ARRDC4: variants seen among roughly 807,000 people sequenced by gnomAD.
ARRDC4 encodes arrestin domain containing 4.
In ARRDC4, 40 loss-of-function variants were observed where a neutral mutation model predicts 44.6. The observed-to-expected ratio is 0.90, with a 90% CI of 0.70 to 1.17. The LOEUF (loss-of-function observed/expected upper bound fraction) is 1.17. Among genes scored for constraint, ARRDC4 ranks in the 50% most tolerant of loss-of-function variants. The pLI is 0.00. For synonymous variants in ARRDC4, 211 were observed against 221.2 expected (o/e 0.95, Z 0.41); for missense variants, 550 against 559.1 (o/e 0.98, Z 0.16).
intron 1 of ARRDC4, among the ~76,000 whole-genome samples, chr15:97,964,065 A>G (rs1899371688): frequency 6.6e-6 from 1 of 152,144 alleles, no homozygotes; most frequent in Non-Finnish European, 1.5e-5. Flanking sequence ...GAGTATTCAA[A>G]TTGACTTAAG....
rs746022047 is a variant in ARRDC4, at chr15:97,967,873, T to C, written c.523-141T>C. 4.1e-6 allele frequency: 2 copies of C among 483,996 alleles called. No individual in the cohort carries two copies. The highest frequency in any genetic ancestry group is 7.1e-6 in the Non-Finnish European group (2 of 281,572). The allele number at this position is 483,996 out of a possible 1,614,324, so 30.0% of individuals were successfully genotyped here. A position where few individuals can be genotyped will look rare whatever the true frequency, so the allele number is the denominator to read the frequency against. ...GTTTTTGTGCATATTTGGCCTAATA[T>C]GTTACATGAGGATAAGAAAGTTTGA... is the stretch of plus-strand genomic sequence containing the variant. On this transcript the variant is annotated intron_variant, in intron 3 of 7. Transcript: ENST00000268042. The surrounding 1 kb of genome is among the most constrained non-coding windows in gnomAD (Gnocchi z 5.0).
chr15:97,969,370 T>C lies in ARRDC4; in HGVS notation c.873T>C (p.Tyr291=). 1 of 1,608,282 alleles carries C rather than the reference T, an allele frequency of 6.2e-7. No homozygotes were observed. The change falls in exon 5 of 8, where the codon TAT becomes TAC. Residue 291 remains tyrosine, a synonymous_variant. Coordinates refer to ENST00000268042, the MANE Select transcript of ARRDC4 (RefSeq NM_183376.3). ...ATTGCTGCATTATCAGAGTGGACTA[T>C]TCCTTAGCTGTAAGCAAAGCTCTTT... is the stretch of plus-strand genomic sequence containing the variant. ...ILDCCIIRVD[Y]SLAVYIHIPG... is the part of the protein sequence containing the mutation.
intron 1 of ARRDC4, among the ~76,000 whole-genome samples, 198 bp downstream of exon 1, chr15:97,961,366 G>C (rs1470889586): frequency 6.6e-6 from 1 of 152,182 alleles, no homozygotes; most frequent in Non-Finnish European, 1.5e-5. Flanking sequence ...CCCCGCCCCT[G>C]GCCCGCCGGG....
At position 97,961,169 on chromosome 15, in the gene ARRDC4, G is replaced by A. The variant is rs1449189111; in HGVS notation, c.307+1G>A. ...CTCAGCCTGCGGGAGCCCCCGGCCG[G>A]TAAGCGCAGGCGAGCGCCTGGGGTT... On this transcript the variant is annotated splice_donor_variant, in intron 1 of 7. Transcript: ENST00000268042. LOFTEE classifies it high-confidence loss of function. The A allele has an allele frequency of 8.4e-6, 12 of 1,424,924 alleles. 1 individual carries two copies. Among genetic ancestry groups the A allele is most frequent in the Admixed American group, 3.3e-5 (1 of 30,496 alleles). 88.3% of individuals were successfully genotyped at this position (1,424,924 alleles called of 1,614,324 possible).
rs1899529563 is a variant in ARRDC4 at position 97,972,265 on chromosome 15, C to G, written c.*1078C>G. The stretch of plus-strand genomic sequence containing the variant: ...ACCTAAGAGAATGTCAAAATAAACA[C>G]CAAACCAAAAGAAGGTAGGAGTGCC... On this transcript the variant is annotated 3_prime_UTR_variant, in exon 8 of 8. Transcript: ENST00000268042. The surrounding 1 kb of genome is among the most constrained non-coding windows in gnomAD (Gnocchi z 5.3). The G allele has an allele frequency of 6.6e-6, 1 of 152,528 alleles. No homozygotes were observed. Among genetic ancestry groups the G allele is most frequent in the Non-Finnish European group, 1.5e-5 (1 of 68,012 alleles). The allele number at this position is 152,528 out of a possible 1,614,324, so 9.4% of individuals were successfully genotyped here.
rs1202515242 is a variant in ARRDC4 at position 97,960,874 on chromosome 15, G to A, written c.13G>A (p.Ala5Thr). ...GTCGCCCGGCGGGATGGGCGGGGAG[G>A]CTGGGTGCGCGGCGGCCGTGGGTGC... MGGE[A>T]GCAAAVGAEG... Residue 5 changes from alanine (A) to threonine (T), a missense_variant, in exon 1 of 8, where the codon GCT (alanine) becomes ACT (threonine). Coordinates refer to ENST00000268042, the MANE Select transcript of ARRDC4 (RefSeq NM_183376.3). The A allele has an allele frequency of 7.2e-7, 1 of 1,383,876 alleles. No homozygotes were observed. 85.7% of individuals were successfully genotyped at this position (1,383,876 alleles called of 1,614,324 possible).
chr15:97,971,897 CGTTTTGT>C lies in ARRDC4; in HGVS notation c.*711_*717del, dbSNP rs1899521858. 1 of 152,270 alleles carries C rather than the reference CGTTTTGT, an allele frequency of 6.6e-6. No individual in the cohort carries two copies. The highest frequency in any genetic ancestry group is 1.5e-5 in the Non-Finnish European group (1 of 68,022). The allele number at this position is 152,270 out of a possible 1,614,324, so 9.4% of individuals were successfully genotyped here. ...AAAGATGAATTTCAATGTGAAAACA[CGTTTTGT>C]TGAGGGCTGTACTTTTTACCCCCTT... On this transcript the variant is annotated 3_prime_UTR_variant, in exon 8 of 8. Transcript: ENST00000268042.
rs76154279 is a variant in ARRDC4 at position 97,969,422 on chromosome 15, A to G, written c.882+43A>G. On this transcript the variant is annotated intron_variant, in intron 5 of 7. Coordinates refer to ENST00000268042, the MANE Select transcript of ARRDC4 (RefSeq NM_183376.3). ...TTAAAAAAAAATGTGTATGATGGAC[A>G]ATAACTGATGTCATGTTACTGTGGG... 3,220 of 1,599,500 alleles carry G rather than the reference A, an allele frequency of 2.0e-3. 40 individuals carry two copies. The African/African-American group carries it at 0.036, about 18-fold the overall frequency.
chr15:97,971,013 T>C, intron 7 of ARRDC4, 118 bp from the exon 8 acceptor site: 1 of 1,175,830 alleles, frequency 8.5e-7, no homozygotes, highest in South Asian at 1.4e-5. Flanking sequence ...AAGCACCTTC[T>C]GGGACTTACA....
chr15:97,961,134 G>A lies in ARRDC4; in HGVS notation c.273G>A (p.Leu91=). 1 of 1,455,944 alleles carries A rather than the reference G, an allele frequency of 6.9e-7. No individual in the cohort carries two copies. The highest frequency in any genetic ancestry group is 9.0e-7 in the Non-Finnish European group (1 of 1,113,124). 90.2% of individuals were successfully genotyped at this position (1,455,944 alleles called of 1,614,324 possible). A position where few individuals can be genotyped will look rare whatever the true frequency, so the allele number is the denominator to read the frequency against. The change falls in exon 1 of 8, where the codon CTG becomes CTA. Residue 91 remains leucine (L), a synonymous_variant. Coordinates refer to ENST00000268042, the MANE Select transcript of ARRDC4 (RefSeq NM_183376.3). ...ALAVFSEVEY[L]NVRLSLREPP... ...CTGTCTTCTCGGAGGTGGAGTACCTGAACGTGCGCCTCAGCCTGCGGGAGC... is the reference window on the plus strand; with the variant it reads ...CTGTCTTCTCGGAGGTGGAGTACCTAAACGTGCGCCTCAGCCTGCGGGAGC...
Position 97,971,148 on chromosome 15 carries a change from C to T in ARRDC4, c.1218C>T (p.Ser406=), listed in dbSNP as rs372410629. 4.9e-5 allele frequency: 79 copies of T among 1,613,214 alleles called. No individual in the cohort carries two copies. Among genetic ancestry groups the T allele is most frequent in the Non-Finnish European group, 6.4e-5 (76 of 1,179,406 alleles). The part of the protein sequence containing the change: ...PLYSEVDPHP[S]DVEESQPVSF... ...TTTTGCAGGTTGACCCACATCCTAG[C>T]GACGTAGAAGAGAGCCAGCCTGTTT... Residue 406 remains serine, a synonymous_variant, in exon 8 of 8, where the codon AGC becomes AGT. Coordinates refer to ENST00000268042, the MANE Select transcript of ARRDC4 (RefSeq NM_183376.3).
Position 97,965,614 on chromosome 15 carries a change from T to C in ARRDC4, c.322T>C (p.Leu108=). Residue 108 remains leucine (L), a synonymous_variant, in exon 2 of 8, where the codon TTA becomes CTA. Coordinates refer to ENST00000268042, the MANE Select transcript of ARRDC4 (RefSeq NM_183376.3). This position sits in a 1 kb window ranked among gnomAD's most constrained non-coding sequence, Gnocchi z 5.1. The part of the protein sequence containing the change: ...REPPAGEGII[L]LQPGKHEFPF... The stretch of plus-strand genomic sequence containing the variant: ...ATCTCTTATAGGTGAAGGCATCATT[T>C]TATTACAGCCTGGAAAACATGAATT... 1 of 1,612,194 alleles carries C rather than the reference T, an allele frequency of 6.2e-7. No individual in the cohort carries two copies. Among genetic ancestry groups the C allele is most frequent in the Non-Finnish European group, 8.5e-7 (1 of 1,178,276 alleles).
rs1455840299 is a variant in ARRDC4, at chr15:97,967,893, G to A, written c.523-121G>A. 1 of 581,376 alleles carries A rather than the reference G, an allele frequency of 1.7e-6. No homozygotes were observed. The highest frequency in any genetic ancestry group is 1.9e-5 in the African/African-American group (1 of 51,720). 36.0% of individuals were successfully genotyped at this position (581,376 alleles called of 1,614,324 possible). On this transcript the variant is annotated intron_variant, in intron 3 of 7. Transcript: ENST00000268042. The surrounding 1 kb of genome is among the most constrained non-coding windows in gnomAD (Gnocchi z 5.0). The stretch of plus-strand genomic sequence containing the variant: ...TAATATGTTACATGAGGATAAGAAA[G>A]TTTGATTCATTTTTTTGGTATTTCC...
rs769136091 is a variant in ARRDC4, at chr15:97,969,149, A to T, written c.652A>T (p.Ile218Leu). The T allele has an allele frequency of 6.2e-7, 1 of 1,613,882 alleles. No homozygotes were observed. The highest frequency in any genetic ancestry group is 8.5e-7 in the Non-Finnish European group (1 of 1,179,802). The part of the protein sequence containing the change: ...NGEAIPIYAE[I>L]ENCSSRLIVP... ...AGAAGCTATTCCAATCTATGCAGAA[A>T]TAGAAAATTGTTCCTCTCGTCTGAT... The change falls in exon 5 of 8, where the codon ATA becomes TTA. Residue 218 changes from isoleucine to leucine, a missense_variant. Coordinates refer to ENST00000268042, the MANE Select transcript of ARRDC4 (RefSeq NM_183376.3).
chr15:97,965,728 C>T lies in ARRDC4; in HGVS notation c.374+62C>T. 1.3e-6 allele frequency: 2 copies of T among 1,515,594 alleles called. No homozygotes were observed. The highest frequency in any genetic ancestry group is 1.8e-6 in the Non-Finnish European group (2 of 1,090,602). The allele number at this position is 1,515,594 out of a possible 1,614,324, so 93.9% of individuals were successfully genotyped here. On this transcript the variant is annotated intron_variant, in intron 2 of 7. Transcript: ENST00000268042. The surrounding 1 kb of genome is among the most constrained non-coding windows in gnomAD (Gnocchi z 5.1). ...CTGCAGTATGTCCATTCAAGTTTAT[C>T]ACTGCTAGGTCTCTTCTGATTCTCA...
Position 97,972,996 on chromosome 15 carries a change from G to T in ARRDC4, c.*1809G>T, listed in dbSNP as rs536857222. 6.6e-6 allele frequency: 1 copy of T among 152,416 alleles called. No individual in the cohort carries two copies. The highest frequency in any genetic ancestry group is 2.4e-5 in the African/African-American group (1 of 41,428). 9.4% of individuals were successfully genotyped at this position (152,416 alleles called of 1,614,324 possible). A position where few individuals can be genotyped will look rare whatever the true frequency, so the allele number is the denominator to read the frequency against. On this transcript the variant is annotated 3_prime_UTR_variant, in exon 8 of 8. Transcript: ENST00000268042. This position sits in a 1 kb window ranked among gnomAD's most constrained non-coding sequence, Gnocchi z 5.3. ...TGTGCTACTGAAATTGTCACAAAACGTTATTCCTTGATTTGGTTTTTAAAT... is the reference window on the plus strand; with the variant it reads ...TGTGCTACTGAAATTGTCACAAAACTTTATTCCTTGATTTGGTTTTTAAAT...
rs759514669 is a variant in ARRDC4, at chr15:97,971,361, C to G, written c.*174C>G. 4.1e-5 allele frequency: 26 copies of G among 640,040 alleles called. No individual in the cohort carries two copies. In the African/African-American group the frequency reaches 4.6e-4, roughly 11 times the overall value. The allele number at this position is 640,040 out of a possible 1,614,324, so 39.6% of individuals were successfully genotyped here. A position where few individuals can be genotyped will look rare whatever the true frequency, so the allele number is the denominator to read the frequency against. ...AGTTCTGGTGGGCCGGCAGGATTGC[C>G]GCACAAGTTTATATGATGGTCGTAT... On this transcript the variant is annotated 3_prime_UTR_variant, in exon 8 of 8. Transcript: ENST00000268042.
Position 97,960,830 on chromosome 15 carries a change from A to G in ARRDC4, c.-32A>G. 1 of 1,279,656 alleles carries G rather than the reference A, an allele frequency of 7.8e-7. No homozygotes were observed. Among genetic ancestry groups the G allele is most frequent in the Non-Finnish European group, 9.9e-7 (1 of 1,013,938 alleles). The allele number at this position is 1,279,656 out of a possible 1,614,324, so 79.3% of individuals were successfully genotyped here. ...CGACCCCGGCTCCGGGCCTCTGCCG[A>G]CCTCAGGGGCAGGAAAGAGTCGCCC... On this transcript the variant is annotated 5_prime_UTR_variant, in exon 1 of 8. Transcript: ENST00000268042.
In ARRDC4 at chr15:97,968,524, T is replaced by C. The variant is rs1448702333; in HGVS notation, c.625+408T>C. On this transcript the variant is annotated intron_variant, in intron 4 of 7. Coordinates refer to ENST00000268042, the MANE Select transcript of ARRDC4 (RefSeq NM_183376.3). The surrounding 1 kb of genome is among the most constrained non-coding windows in gnomAD (Gnocchi z 5.4). ...TGCATGGGACTGGAATGTAGTGTAT[T>C]AACAAACTTAACAATCAGATTGTTA... Among the ~76,000 whole-genome samples the C allele has an allele frequency of 6.6e-6, 1 of 152,236 alleles. No homozygotes were observed. The highest frequency in any genetic ancestry group is 1.5e-5 in the Non-Finnish European group (1 of 68,040).
Sources: gnomAD v4.1 joint callset for allele counts (sites outside exome capture counted in the v4.1 genomes callset) on GRCh38, gnomAD v4.1.1 for gene constraint, Gnocchi (gnomAD v3.1) non-coding constraint, MANE v1.5 for transcripts, NCBI Gene and HGNC (gene_info 2026-07-23, HGNC 2026-07-21) for gene names.